EYA1: variants seen among roughly 807,000 people sequenced by gnomAD.
EYA1 encodes protein phosphatase EYA1.
A neutral mutation model predicts 82.0 loss-of-function variants in EYA1; 16 were observed. The observed-to-expected ratio is 0.20, with a 90% CI of 0.13 to 0.30. The LOEUF (loss-of-function observed/expected upper bound fraction) is 0.30, where lower values mean the gene tolerates loss of function less well. Ranked by LOEUF, EYA1 falls within the 10% of genes least tolerant of loss-of-function variation. EYA1 has a pLI of 1.00. For missense variants in EYA1, 633 were observed against 730.7 expected (o/e 0.87, Z 1.54); for synonymous variants, 261 against 264.4 (o/e 0.99, Z 0.12).
chr8:71,536,416 C>T (rs922439335), intron 1 of EYA1, among the ~76,000 whole-genome samples: 2 of 152,146 alleles, frequency 1.3e-5, no homozygotes, highest in Admixed American at 1.3e-4. Context: ...CACCTTCAGA[C>T]TCAACACCTT....
intron 12 of EYA1, among the ~76,000 whole-genome samples, chr8:71,235,253 C>T (rs1179409885): frequency 6.6e-6 from 1 of 151,456 alleles, no homozygotes; most frequent in East Asian, 1.9e-4. Context: ...GCTTAAAACT[C>T]TCCAATGGCT....
intron 9 of EYA1, among the ~76,000 whole-genome samples, chr8:71,279,734 G>A (rs901094193): frequency 2.0e-5 from 3 of 152,210 alleles, no homozygotes; most frequent in Non-Finnish European, 2.9e-5. Flanking sequence ...CACTGTGAAA[G>A]TCAAAGGCAC....
chr8:71,369,688 GGT>G (rs1827974901), intron 2 of EYA1, among the ~76,000 whole-genome samples: 1 of 152,202 alleles, frequency 6.6e-6, no homozygotes, highest in Non-Finnish European at 1.5e-5. Flanking sequence ...GCACATAGGA[GGT>G]GCTTGGTGAA....
At chr8:71,201,563 A>G (rs1807021431) in intron 17 of EYA1, among the ~76,000 whole-genome samples, 1 of 152,196 alleles carries the variant, frequency 6.6e-6, no homozygotes, top group Admixed American at 6.5e-5. Context: ...GTTGTAAAAT[A>G]TAGAACCCTA....
At chr8:71,509,635 C>T (rs1196020080) in intron 2 of EYA1, among the ~76,000 whole-genome samples, 1 of 152,100 alleles carries the variant, frequency 6.6e-6, no homozygotes, top group Non-Finnish European at 1.5e-5. Context: ...TTGTGAAGTA[C>T]AAACCATTTC....
chr8:71,226,029 G>A (rs1199201488), intron 12 of EYA1, among the ~76,000 whole-genome samples: 2 of 152,106 alleles, frequency 1.3e-5, no homozygotes, highest in Non-Finnish European at 2.9e-5. Flanking sequence ...AATATTTAGA[G>A]AACAAAGTCT....
At chr8:71,475,119 G>A (rs540025247) in intron 2 of EYA1, among the ~76,000 whole-genome samples, 12 of 152,184 alleles carry the variant, frequency 7.9e-5, no homozygotes, top group East Asian at 5.8e-4. Flanking sequence ...CAATAAGAGC[G>A]AAACTCCATC....
intron 12 of EYA1, among the ~76,000 whole-genome samples, chr8:71,232,718 T>C (rs1386332730): frequency 6.6e-6 from 1 of 151,996 alleles, no homozygotes; most frequent in African/African-American, 2.4e-5. Context: ...GTGATTTCTG[T>C]TGGAATTCTA....
At chr8:71,218,763 T>C (rs1809521803) in intron 12 of EYA1, among the ~76,000 whole-genome samples, 1 of 152,054 alleles carries the variant, frequency 6.6e-6, no homozygotes, top group South Asian at 2.1e-4. Flanking sequence ...AAATTTCTGA[T>C]ATTTAACCAG....
At chr8:71,247,752 T>A (rs1250652581) in intron 11 of EYA1, among the ~76,000 whole-genome samples, 1 of 152,190 alleles carries the variant, frequency 6.6e-6, no homozygotes, top group South Asian at 2.1e-4. Context: ...ACCCTACAGC[T>A]GAATTAACCT....
At chr8:71,463,087 T>C (rs1035235411) in intron 2 of EYA1, among the ~76,000 whole-genome samples, 1 of 152,252 alleles carries the variant, frequency 6.6e-6, no homozygotes, top group African/African-American at 2.4e-5. Context: ...AATGAGATAT[T>C]GTAGACTCTT....
intron 11 of EYA1, among the ~76,000 whole-genome samples, chr8:71,251,315 G>T (rs928550927): frequency 3.3e-5 from 5 of 152,164 alleles, no homozygotes; most frequent in African/African-American, 1.2e-4. Context: ...GTTTAACGAA[G>T]AAATTGTACA....
At chr8:71,405,876 T>C (rs575759376) in intron 2 of EYA1, among the ~76,000 whole-genome samples, 2 of 152,336 alleles carry the variant, frequency 1.3e-5, no homozygotes, top group East Asian at 3.9e-4. Context: ...TTTTACTATC[T>C]TCCTTTTCTC....
intron 2 of EYA1, among the ~76,000 whole-genome samples, chr8:71,385,587 T>C (rs1460709256): frequency 6.6e-6 from 1 of 152,194 alleles, no homozygotes; most frequent in Admixed American, 6.5e-5. Context: ...ACAACATTCC[T>C]TAGATTAGGA....
At chr8:71,306,828 G>A (rs944930277) in intron 7 of EYA1, among the ~76,000 whole-genome samples, 2 of 152,146 alleles carry the variant, frequency 1.3e-5, no homozygotes, top group Non-Finnish European at 2.9e-5. Flanking sequence ...CATTAGACCA[G>A]TACTAAGCAA....
rs1385811609 is a variant in EYA1 at position 71,217,019 on chromosome 8, C to T, written c.1145G>A (p.Cys382Tyr). 3 of 1,612,244 alleles carry T rather than the reference C, an allele frequency of 1.9e-6. No homozygotes were observed. Among genetic ancestry groups the T allele is most frequent in the Middle Eastern group, 1.6e-4 (1 of 6,076 alleles). ...THLFFNDLEE[C>Y]DQVHIDDVSS... Reference sequence around the variant, plus strand: ...AACATCATCTATATGGACTTGGTCACATTCCTAAAATGCAATTAAAATGAT... The same window carrying T: ...AACATCATCTATATGGACTTGGTCATATTCCTAAAATGCAATTAAAATGAT... The change falls in exon 13 of 18, where the codon TGT becomes TAT. Residue 382 changes from cysteine to tyrosine, a missense_variant. Physicochemically the swap from Cys to Tyr is radical, Grantham distance 194 (BLOSUM62 -2). Transcript: ENST00000340726.
At chr8:71,490,399 C>G (rs1810904145) in intron 2 of EYA1, among the ~76,000 whole-genome samples, 1 of 152,074 alleles carries the variant, frequency 6.6e-6, no homozygotes, top group Admixed American at 6.5e-5. Flanking sequence ...AGAATTAAAC[C>G]TTCCTGGTTC....
Position 71,326,456 on chromosome 8 carries a change from CAGA to C in EYA1, c.203-4191_203-4189del, listed in dbSNP as rs773217172. Reference sequence around the variant, plus strand: ...TTCCAGTCACCAATGTTGTGGCAAACAGAAGAAGCACCTCCTGATTCTTCTGCT... The same window carrying C: ...TTCCAGTCACCAATGTTGTGGCAAACAGAAGCACCTCCTGATTCTTCTGCT... On this transcript the variant is annotated intron_variant, in intron 4 of 17. Coordinates refer to ENST00000340726, the MANE Select transcript of EYA1 (RefSeq NM_000503.6). Among the ~76,000 whole-genome samples the C allele has an allele frequency of 1.3e-3, 195 of 151,754 alleles. 1 individual carries two copies. The highest frequency in any genetic ancestry group is 2.2e-3 in the Non-Finnish European group (148 of 68,020).
intron 2 of EYA1, among the ~76,000 whole-genome samples, chr8:71,424,786 G>C (rs577081119): frequency 8.5e-5 from 13 of 152,132 alleles, no homozygotes; most frequent in Admixed American, 8.5e-4. Context: ...TGGCCTGCTG[G>C]ATGGTTTCCT....
Sources: gnomAD v4.1 joint callset for allele counts (sites outside exome capture counted in the v4.1 genomes callset) on GRCh38, gnomAD v4.1.1 for gene constraint, MANE v1.5 for transcripts, NCBI Gene and HGNC (gene_info 2026-07-23, HGNC 2026-07-21) for gene names.